DAB2IP: variants seen among roughly 807,000 people sequenced by gnomAD.
DAB2IP encodes disabled homolog 2-interacting protein.
Under a neutral mutation model 107.2 loss-of-function variants are expected in DAB2IP, and 28 were observed. The ratio of observed to expected loss-of-function variants is 0.26; its 90% CI spans 0.19 to 0.36. The LOEUF (loss-of-function observed/expected upper bound fraction) is 0.36. Ranked by LOEUF, DAB2IP falls within the 10% of genes least tolerant of loss-of-function variation. The pLI is 1.00. For synonymous variants in DAB2IP, 755 were observed against 706.4 expected, an observed-to-expected ratio of 1.07 and a Z score of -1.09; for missense variants, 1,400 against 1,644.7, an observed-to-expected ratio of 0.85 and a Z score of 2.57.
At chr9:121,624,885 C>T (rs548198090) in intron 1 of DAB2IP, among the ~76,000 whole-genome samples, 4 of 152,300 alleles carry the variant, frequency 2.6e-5, no homozygotes, top group African/African-American at 7.2e-5. Flanking sequence ...GTGCCAGGAA[C>T]GTAAGTCTCA....
intron 3 of DAB2IP, among the ~76,000 whole-genome samples, chr9:121,724,976 A>C (rs1044958319): frequency 6.6e-6 from 1 of 152,166 alleles, no homozygotes; most frequent in African/African-American, 2.4e-5. Flanking sequence ...AGTGAGGGTC[A>C]GGACAGGGAA....
chr9:121,612,265 G>A (rs904243170), intron 1 of DAB2IP, among the ~76,000 whole-genome samples: 14 of 151,942 alleles, frequency 9.2e-5, no homozygotes, highest in Non-Finnish European at 1.5e-4. Flanking sequence ...AGGCTGCAGC[G>A]AGCCGGAGCC....
At chr9:121,657,071 A>G (rs548906700) in intron 1 of DAB2IP, among the ~76,000 whole-genome samples, 1 of 152,244 alleles carries the variant, frequency 6.6e-6, no homozygotes, top group East Asian at 1.9e-4. Context: ...TGCCTCCTCC[A>G]CCTGCCTGGG....
rs75077147 is a variant in DAB2IP, at chr9:121,605,713, G to A, written c.40+38485G>A. Among the ~76,000 whole-genome samples, 289 of 152,056 alleles carry A rather than the reference G, an allele frequency of 1.9e-3. 7 individuals carry two copies. The East Asian group carries it at 0.025, about 13-fold the overall frequency. ...TAGAGATGAGGTCTCACTATATTGC[G>A]CAGGCTGGTCTTGAACTCCTAGGCT... On this transcript the variant is annotated intron_variant, in intron 1 of 16. Coordinates refer to the DAB2IP transcript ENST00000259371.
At chr9:121,706,748 G>T (rs922811840) in intron 3 of DAB2IP, among the ~76,000 whole-genome samples, 1 of 152,170 alleles carries the variant, frequency 6.6e-6, no homozygotes, top group African/African-American at 2.4e-5. Context: ...GATAGAGGTC[G>T]TCTCTGTCCT....
intron 3 of DAB2IP, chr9:121,742,871 C>G (rs1832451855): frequency 1.0e-6 from 1 of 985,484 alleles, no homozygotes. Flanking sequence ...CCCGACCCCA[C>G]AGGGTTCTGA....
chr9:121,653,711 A>T (rs537761951), intron 1 of DAB2IP, among the ~76,000 whole-genome samples: 6 of 151,682 alleles, frequency 4.0e-5, no homozygotes, highest in African/African-American at 1.5e-4. Flanking sequence ...TCCATCCCTG[A>T]CTGTAATGGG....
At chr9:121,779,126 A>G (rs1001575402) in intron 14 of DAB2IP, among the ~76,000 whole-genome samples, 1 of 152,096 alleles carries the variant, frequency 6.6e-6, no homozygotes, top group East Asian at 1.9e-4. Context: ...TATGTCTTCA[A>G]GTTTGCTAAT....
chr9:121,740,357 G>A (rs1832251954), intron 3 of DAB2IP, among the ~76,000 whole-genome samples: 1 of 152,128 alleles, frequency 6.6e-6, no homozygotes, highest in Non-Finnish European at 1.5e-5. Context: ...ACTGAATGCT[G>A]AGTCTGTTGA....
chr9:121,759,114 G>A, intron 5 of DAB2IP, 118 bp downstream of exon 5: 1 of 994,578 alleles, frequency 1.0e-6, no homozygotes, highest in Non-Finnish European at 1.5e-6. Context: ...AGCCTGCATG[G>A]AGGCAGGGCC....
intron 1 of DAB2IP, among the ~76,000 whole-genome samples, chr9:121,654,487 G>A (rs531038979): frequency 1.3e-5 from 2 of 152,020 alleles, no homozygotes; most frequent in East Asian, 3.9e-4. Flanking sequence ...GGAGTGATGA[G>A]GAGTTAGTTA....
intron 1 of DAB2IP, among the ~76,000 whole-genome samples, chr9:121,573,443 A>G (rs630175): frequency 0.6 from 90,683 of 151,420 alleles, 27,748 homozygotes; most frequent in Middle Eastern, 0.71. Flanking sequence ...AGAGTGCAGT[A>G]GCATGATCTT....
At chr9:121,615,376 A>G (rs1831233307) in intron 1 of DAB2IP, among the ~76,000 whole-genome samples, 1 of 152,210 alleles carries the variant, frequency 6.6e-6, no homozygotes, top group Non-Finnish European at 1.5e-5. Flanking sequence ...TGGAATGCCT[A>G]TTGATAAGCT....
chr9:121,700,606 C>T (rs1829721321), intron 3 of DAB2IP, among the ~76,000 whole-genome samples: 1 of 152,220 alleles, frequency 6.6e-6, no homozygotes, highest in African/African-American at 2.4e-5. Flanking sequence ...TCCCCTCCCC[C>T]TTGGTTCTAG....
chr9:121,740,073 G>T (rs1287134689), intron 3 of DAB2IP, among the ~76,000 whole-genome samples: 1 of 152,188 alleles, frequency 6.6e-6, no homozygotes, highest in Non-Finnish European at 1.5e-5. Context: ...AGTAGGAAAA[G>T]GAGGTGAGAA....
chr9:121,773,518 C>T (rs1834932472), intron 12 of DAB2IP, 23 bp downstream of exon 12: 7 of 1,460,836 alleles, frequency 4.8e-6, no homozygotes, highest in Admixed American at 2.6e-5. Context: ...AGTCAGAGGG[C>T]AGGGCTGGGC....
Position 121,772,591 on chromosome 9 carries a change from G to A in DAB2IP, c.2079-16G>A. 1.9e-6 allele frequency: 3 copies of A among 1,602,710 alleles called. No individual in the cohort carries two copies. The highest frequency in any genetic ancestry group is 1.1e-5 in the South Asian group (1 of 89,406). ...CTTTTCCCCTTCTTTCCCTGTGTGT[G>A]CTTGTCTCCCTGCAGTCTGATAGAT... On this transcript the variant is annotated splice_polypyrimidine_tract_variant and intron_variant, in intron 11 of 15. Transcript: ENST00000408936. This position sits in a 1 kb window ranked among gnomAD's most constrained non-coding sequence, Gnocchi z 4.7.
intron 1 of DAB2IP, among the ~76,000 whole-genome samples, chr9:121,588,048 G>A (rs555022733): frequency 6.6e-6 from 1 of 152,260 alleles, no homozygotes; most frequent in Admixed American, 6.5e-5. Context: ...TCCTATCCAT[G>A]CGTTGAAGCC....
In DAB2IP at chr9:121,708,016, G is replaced by A. The variant is rs144828804; in HGVS notation, c.362+8558G>A. Among the ~76,000 whole-genome samples the A allele has an allele frequency of 1.2e-3, 185 of 152,302 alleles. 1 individual carries two copies. Among genetic ancestry groups the A allele is most frequent in the African/African-American group, 4.3e-3 (177 of 41,566 alleles). On this transcript the variant is annotated intron_variant, in intron 3 of 15. Coordinates refer to ENST00000408936, the Ensembl canonical transcript of DAB2IP. ...GACCTGTATGAGGAGGAATTGCCTAGGACACCTGATAAAATGCAGATTCTT... is the reference window on the plus strand; with the variant it reads ...GACCTGTATGAGGAGGAATTGCCTAAGACACCTGATAAAATGCAGATTCTT...
Sources: allele counts gnomAD v4.1 joint callset (sites outside exome capture counted in the v4.1 genomes callset), GRCh38; gene constraint gnomAD v4.1.1; non-coding constraint Gnocchi (gnomAD v3.1); transcripts MANE v1.5; gene names NCBI Gene and HGNC (gene_info 2026-07-23, HGNC 2026-07-21).